Variants in EPHB1 observed in about 807,000 individuals in gnomAD.
EPHB1 encodes the protein EPH receptor B1, also known as ephrin type-B receptor 1.
EPHB1 carries 30 observed loss-of-function variants against 94.4 expected under a neutral mutation model. That is an observed-to-expected ratio of 0.32 (90% CI 0.24 to 0.43). The LOEUF is 0.43. EPHB1 is among the 20% of genes least tolerant of loss of function. EPHB1 has a pLI of 1.00. For synonymous variants in EPHB1, 522 were observed against 489.1 expected (o/e 1.07, Z -0.89); for missense variants, 1,055 against 1,308.3 (o/e 0.81, Z 2.99).
chr3:135,191,635 GA>G (rs1942458878), intron 10 of EPHB1, among the ~76,000 whole-genome samples: 1 of 149,750 alleles, frequency 6.7e-6, no homozygotes, highest in African/African-American at 2.5e-5. Context: ...GGATTCAACA[GA>G]TTTTTTTTTT....
At chr3:134,937,912 CTTTTTTTTTTT>C (rs113610495) in intron 2 of EPHB1, among the ~76,000 whole-genome samples, 1 of 122,614 alleles carries the variant, frequency 8.2e-6, no homozygotes, top group South Asian at 2.8e-4. Context: ...TGGTTCCCTC[CTTTTTTTTTTT>C]TTTTTTTTTC....
intron 5 of EPHB1, among the ~76,000 whole-genome samples, chr3:135,146,576 C>T (rs1238148442): frequency 1.3e-5 from 2 of 152,312 alleles, no homozygotes; most frequent in African/African-American, 4.8e-5. Context: ...CTATCACTTA[C>T]TTTCTAGGTT....
chr3:135,088,302 A>C (rs1435718207), intron 3 of EPHB1, among the ~76,000 whole-genome samples: 1 of 152,212 alleles, frequency 6.6e-6, no homozygotes, highest in Non-Finnish European at 1.5e-5. Context: ...CCTCCATGAC[A>C]GAGTAGCTGG....
chr3:135,112,995 A>G (rs182732845), intron 4 of EPHB1, among the ~76,000 whole-genome samples: 307 of 152,306 alleles, frequency 2.0e-3, no homozygotes, highest in Non-Finnish European at 3.5e-3. Flanking sequence ...TGATAGGTAA[A>G]GAGACTGATA....
intron 1 of EPHB1, among the ~76,000 whole-genome samples, chr3:134,906,009 T>C (rs2107691951): frequency 6.6e-6 from 1 of 152,314 alleles, no homozygotes; most frequent in East Asian, 1.9e-4. Flanking sequence ...AGGAGACTCT[T>C]CCGAGAGCCC....
chr3:135,216,346 A>G (rs554708398), intron 12 of EPHB1, among the ~76,000 whole-genome samples: 1 of 152,274 alleles, frequency 6.6e-6, no homozygotes, highest in South Asian at 2.1e-4. Context: ...TTTGTGGAAA[A>G]GAAAAAGCAA....
intron 1 of EPHB1, among the ~76,000 whole-genome samples, chr3:134,826,065 C>G (rs2036472086): frequency 6.8e-6 from 1 of 146,570 alleles, no homozygotes; most frequent in Non-Finnish European, 1.5e-5. Flanking sequence ...TATAGTGAAA[C>G]CCCGTCTCTA....
At chr3:134,874,543 G>A (rs190619302) in intron 1 of EPHB1, among the ~76,000 whole-genome samples, 2 of 152,138 alleles carry the variant, frequency 1.3e-5, no homozygotes, top group Non-Finnish European at 2.9e-5. Context: ...TTGAAATATC[G>A]GCAACAGATT....
Position 135,012,973 on chromosome 3 carries a change from T to A in EPHB1, c.805+60921T>A, listed in dbSNP as rs552080323. Among the ~76,000 whole-genome samples, 64 of 152,324 alleles carry A rather than the reference T, an allele frequency of 4.2e-4. No individual in the cohort carries two copies. In the South Asian group the frequency reaches 0.013, roughly 32 times the overall value. On this transcript the variant is annotated intron_variant, in intron 3 of 15. Coordinates refer to ENST00000398015, the MANE Select transcript of EPHB1 (RefSeq NM_004441.5). The stretch of plus-strand genomic sequence containing the variant: ...TGAAAACCAGGGACTTTGCTGGAAG[T>A]ATTTAAAGGTAACCAAAATCTGCCT...
At chr3:134,795,809 G>A in intron 1 of EPHB1, 120 bp downstream of exon 1, 1 of 1,159,902 alleles carries the variant, frequency 8.6e-7, no homozygotes, top group Admixed American at 2.0e-5. Context: ...GGGACCCGAG[G>A]GCAAGGAGGT....
intron 4 of EPHB1, among the ~76,000 whole-genome samples, chr3:135,112,510 G>T (rs1939492642): frequency 6.6e-6 from 1 of 151,086 alleles, no homozygotes; most frequent in Non-Finnish European, 1.5e-5. Flanking sequence ...TTTAGCATTA[G>T]GTATATCTCC....
intron 15 of EPHB1, among the ~76,000 whole-genome samples, chr3:135,250,036 A>C (rs1241546179): frequency 6.6e-6 from 1 of 152,242 alleles, no homozygotes; most frequent in Non-Finnish European, 1.5e-5. Flanking sequence ...AGTTTTAAAG[A>C]TCCATGTGGT....
intron 3 of EPHB1, among the ~76,000 whole-genome samples, chr3:135,085,027 G>A (rs956041570): frequency 2.0e-5 from 3 of 152,168 alleles, no homozygotes; most frequent in Admixed American, 2.0e-4. Context: ...GGTAGCAAGG[G>A]TTTAGGAACT....
At chr3:135,130,109 G>A (rs1404577) in intron 4 of EPHB1, among the ~76,000 whole-genome samples, 61,818 of 152,036 alleles carry the variant, frequency 0.41, 15,094 homozygotes, top group African/African-American at 0.68. Context: ...AGACTATATC[G>A]GAGAAATGCA....
chr3:134,896,333 C>T (rs1392188852), intron 1 of EPHB1, among the ~76,000 whole-genome samples: 1 of 152,188 alleles, frequency 6.6e-6, no homozygotes, highest in African/African-American at 2.4e-5. Context: ...TGCCCTCTTC[C>T]ATAATCTGGT....
intron 2 of EPHB1, among the ~76,000 whole-genome samples, chr3:134,948,651 C>T (rs1481116945): frequency 6.6e-6 from 1 of 152,252 alleles, no homozygotes; most frequent in Non-Finnish European, 1.5e-5. Context: ...TGAGACATCT[C>T]TTCCGTGTTG....
intron 1 of EPHB1, among the ~76,000 whole-genome samples, chr3:134,908,220 C>T (rs150986126): frequency 7.2e-5 from 11 of 152,348 alleles, no homozygotes; most frequent in African/African-American, 1.7e-4. Flanking sequence ...GGGCCTTCTG[C>T]GTATGCATCT....
chr3:135,002,906 C>T (rs1935236991), intron 3 of EPHB1, among the ~76,000 whole-genome samples: 1 of 151,986 alleles, frequency 6.6e-6, no homozygotes, highest in Admixed American at 6.6e-5. Context: ...TTTCAAAAAA[C>T]CAGCTCCTGG....
intron 11 of EPHB1, among the ~76,000 whole-genome samples, chr3:135,194,172 C>A (rs1942535282): frequency 6.6e-6 from 1 of 152,104 alleles, no homozygotes; most frequent in Non-Finnish European, 1.5e-5. Context: ...AGAAAACAGG[C>A]CCCACATTTT....
Sources: allele counts gnomAD v4.1 joint callset (sites outside exome capture counted in the v4.1 genomes callset), GRCh38; gene constraint gnomAD v4.1.1; transcripts MANE v1.5; gene names NCBI Gene and HGNC (gene_info 2026-07-23, HGNC 2026-07-21).